The following CDH13 variants were observed in gnomAD, a reference collection of about 807,000 sequenced individuals.
CDH13 encodes the protein cadherin-13.
In CDH13, 24 loss-of-function variants were observed where a neutral mutation model predicts 63.8. The ratio of observed to expected loss-of-function variants is 0.38; its 90% CI spans 0.27 to 0.53. CDH13 has a LOEUF of 0.53. Among genes scored for constraint, CDH13 ranks in the 20% least tolerant of loss-of-function variants. CDH13 has a pLI of 0.85. For missense variants in CDH13, 1,049 were observed against 903.1 expected (o/e 1.16, Z -2.07); for synonymous variants, 503 against 355.3 (o/e 1.42, Z -4.67).
chr16:83,218,934 G>A (rs1195080396), intron 5 of CDH13, among the ~76,000 whole-genome samples: 3 of 152,128 alleles, frequency 2.0e-5, no homozygotes, highest in Non-Finnish European at 4.4e-5. Flanking sequence ...CTTGCCCACC[G>A]TGTAAGAAGT....
At chr16:83,489,260 T>C (rs1487255761) in intron 7 of CDH13, among the ~76,000 whole-genome samples, 1 of 152,248 alleles carries the variant, frequency 6.6e-6, no homozygotes, top group African/African-American at 2.4e-5. Context: ...TCTTTTCATT[T>C]GGGCTTTCAT....
chr16:83,695,360 TTTC>T (rs1319185884), intron 10 of CDH13, among the ~76,000 whole-genome samples: 2 of 152,200 alleles, frequency 1.3e-5, no homozygotes, highest in African/African-American at 4.8e-5. Context: ...TTTGGGCCCA[TTTC>T]TTCTTCTGTA....
Position 82,716,711 on chromosome 16 carries a change from CA to C in CDH13, c.45+89575del, listed in dbSNP as rs2032398020. ...TTGTTTTAAAATCATTAGTTGCCTG[CA>C]CAGGTTTCTGGAGGGGTTCACTGTT... On this transcript the variant is annotated intron_variant, in intron 1 of 13. Coordinates refer to ENST00000567109, the MANE Select transcript of CDH13 (RefSeq NM_001257.5). Among the ~76,000 whole-genome samples the C allele has an allele frequency of 2.0e-5, 3 of 150,976 alleles. No homozygotes were observed. In the Admixed American group the frequency reaches 2.0e-4, roughly 10 times the overall value.
At chr16:82,991,452 C>G (rs1195767524) in intron 2 of CDH13, among the ~76,000 whole-genome samples, 1 of 152,124 alleles carries the variant, frequency 6.6e-6, no homozygotes, top group Non-Finnish European at 1.5e-5. Context: ...GATTTCAACT[C>G]CTTCACTTCA....
intron 5 of CDH13, among the ~76,000 whole-genome samples, chr16:83,255,467 T>G (rs1906144022): frequency 6.6e-6 from 1 of 152,194 alleles, no homozygotes; most frequent in Non-Finnish European, 1.5e-5. Context: ...TATTCAGTGA[T>G]TTGGCACTTA....
chr16:82,692,937 C>T (rs1319543248), intron 1 of CDH13, among the ~76,000 whole-genome samples: 2 of 152,178 alleles, frequency 1.3e-5, no homozygotes, highest in Admixed American at 6.5e-5. Flanking sequence ...AGTACCTCAA[C>T]ATTGAGGGAG....
chr16:83,592,078 A>C (rs975270314), intron 7 of CDH13, among the ~76,000 whole-genome samples: 1 of 152,172 alleles, frequency 6.6e-6, no homozygotes, highest in Non-Finnish European at 1.5e-5. Flanking sequence ...GTAATTCCAC[A>C]GAACTCTGTG....
At chr16:82,804,715 A>G (rs1046714223) in intron 1 of CDH13, among the ~76,000 whole-genome samples, 10 of 152,178 alleles carry the variant, frequency 6.6e-5, no homozygotes, top group African/African-American at 1.9e-4. Context: ...GTATGTAGCA[A>G]CTTCATGAAT....
intron 1 of CDH13, among the ~76,000 whole-genome samples, chr16:82,794,873 A>C (rs1039531777): frequency 4.6e-5 from 7 of 152,082 alleles, no homozygotes; most frequent in South Asian, 2.1e-4. Flanking sequence ...AACCCCTTTT[A>C]CCTCCCTCAC....
intron 4 of CDH13, among the ~76,000 whole-genome samples, chr16:83,213,832 A>C (rs2039409889): frequency 6.6e-6 from 1 of 152,014 alleles, no homozygotes; most frequent in African/African-American, 2.4e-5. Flanking sequence ...ACCAATCAGC[A>C]CTCTGTAGCT....
At chr16:83,018,622 G>A (rs1483425711) in intron 2 of CDH13, among the ~76,000 whole-genome samples, 1 of 152,130 alleles carries the variant, frequency 6.6e-6, no homozygotes, top group African/African-American at 2.4e-5. Flanking sequence ...GTCATGCATT[G>A]TTTAACCATA....
chr16:82,898,420 G>T (rs1288082136), intron 2 of CDH13, among the ~76,000 whole-genome samples: 1 of 152,222 alleles, frequency 6.6e-6, no homozygotes, highest in Admixed American at 6.5e-5. Flanking sequence ...GGCTACTCAG[G>T]AGGTGGAGAC....
At chr16:83,119,188 T>C (rs1437589454) in intron 3 of CDH13, among the ~76,000 whole-genome samples, 2 of 152,226 alleles carry the variant, frequency 1.3e-5, no homozygotes, top group African/African-American at 4.8e-5. Context: ...TCTGTGCTTC[T>C]GGTTTTTCTG....
At chr16:83,140,742 G>T (rs575782635) in intron 4 of CDH13, among the ~76,000 whole-genome samples, 2 of 152,102 alleles carry the variant, frequency 1.3e-5, no homozygotes, top group Non-Finnish European at 2.9e-5. Flanking sequence ...GGTGCGAGCC[G>T]CTGCACCCGG....
At chr16:83,151,967 A>G (rs570060775) in intron 4 of CDH13, among the ~76,000 whole-genome samples, 1 of 152,316 alleles carries the variant, frequency 6.6e-6, no homozygotes, top group East Asian at 1.9e-4. Flanking sequence ...AAGGAAAAGA[A>G]AAAAAAGAAA....
chr16:83,765,233 T>C (rs1914286482), intron 11 of CDH13, among the ~76,000 whole-genome samples: 1 of 152,202 alleles, frequency 6.6e-6, no homozygotes, highest in Admixed American at 6.5e-5. Flanking sequence ...AGAGTCCCAG[T>C]AAATGGTTAT....
At chr16:83,554,349 A>G (rs12598842) in intron 7 of CDH13, among the ~76,000 whole-genome samples, 46,970 of 151,978 alleles carry the variant, frequency 0.31, 8,274 homozygotes, top group East Asian at 0.4. Context: ...CGAAGAAGAG[A>G]TAGGAAAACA....
intron 5 of CDH13, among the ~76,000 whole-genome samples, chr16:83,314,678 G>T (rs1389978248): frequency 6.6e-6 from 1 of 152,190 alleles, no homozygotes; most frequent in Admixed American, 6.5e-5. Flanking sequence ...GGCGGTGTTG[G>T]ACTTAATGAG....
At chr16:83,663,646 C>T (rs934448415) in intron 8 of CDH13, among the ~76,000 whole-genome samples, 1 of 152,178 alleles carries the variant, frequency 6.6e-6, no homozygotes, top group African/African-American at 2.4e-5. Flanking sequence ...TCTTCAGGAG[C>T]TCAACAATGG....
Sources: gnomAD v4.1 joint callset for allele counts (sites outside exome capture counted in the v4.1 genomes callset) on GRCh38, gnomAD v4.1.1 for gene constraint, MANE v1.5 for transcripts, NCBI Gene and HGNC (gene_info 2026-07-23, HGNC 2026-07-21) for gene names.